CYTH3: variants seen among roughly 807,000 people sequenced by gnomAD.
CYTH3 encodes the protein cytohesin-3.
CYTH3 carries 23 observed loss-of-function variants against 55.1 expected under a neutral mutation model. That is an observed-to-expected ratio of 0.42 (90% CI 0.30 to 0.59). The LOEUF (loss-of-function observed/expected upper bound fraction) is 0.59, where lower values mean the gene tolerates loss of function less well. Ranked by LOEUF, CYTH3 falls within the 20% of genes least tolerant of loss-of-function variation. The pLI is 0.20. For synonymous variants in CYTH3, 249 were observed against 194.9 expected (o/e 1.28, Z -2.31); for missense variants, 413 against 524.8 (o/e 0.79, Z 2.08).
chr7:6,210,956 A>C (rs948415741), intron 1 of CYTH3, among the ~76,000 whole-genome samples: 10 of 152,218 alleles, frequency 6.6e-5, no homozygotes, highest in African/African-American at 2.4e-4. Context: ...AAATGGAGAA[A>C]TCGATATTCC....
At chr7:6,221,527 G>A (rs952540405) in intron 1 of CYTH3, among the ~76,000 whole-genome samples, 2 of 152,126 alleles carry the variant, frequency 1.3e-5, no homozygotes, top group Admixed American at 6.5e-5. Context: ...ACGCATGGGT[G>A]ATGACACAAA....
At chr7:6,242,211 G>A (rs970823750) in intron 1 of CYTH3, among the ~76,000 whole-genome samples, 1 of 151,530 alleles carries the variant, frequency 6.6e-6, no homozygotes. Context: ...CGAGTAGCTG[G>A]GACTACAGGC....
intron 1 of CYTH3, among the ~76,000 whole-genome samples, chr7:6,244,673 C>G (rs1415341612): frequency 6.6e-6 from 1 of 151,954 alleles, no homozygotes; most frequent in Admixed American, 6.6e-5. Flanking sequence ...ATTTCCTAGG[C>G]TAAATTATTG....
At position 6,174,539 on chromosome 7, in the gene CYTH3, G is replaced by GTTTTT. The variant is rs760279977; in HGVS notation, c.369-811_369-807dup. ...GGTGTGAAATGGTATCTCCTTGTGG[G>GTTTTT]TTTTTTTTTTTTTTTTTTTTTTTTT... On this transcript the variant is annotated intron_variant, in intron 5 of 12. Transcript: ENST00000350796. 1.9e-4 allele frequency among the ~76,000 whole-genome samples: 17 copies of GTTTTT among 89,804 alleles called. 1 individual carries two copies. Among genetic ancestry groups the GTTTTT allele is most frequent in the African/African-American group, 3.1e-4 (6 of 19,170 alleles). 58.9% of individuals were successfully genotyped at this position (89,804 alleles called of 152,430 possible).
intron 1 of CYTH3, among the ~76,000 whole-genome samples, chr7:6,198,016 C>A (rs1241849297): frequency 6.6e-6 from 1 of 151,456 alleles, no homozygotes; most frequent in African/African-American, 2.4e-5. Context: ...ATCGCTTGAG[C>A]CCTTGAGTTT....
Position 6,162,828 on chromosome 7 carries a change from T to C in CYTH3, c.*2116A>G, listed in dbSNP as rs1782876603. ...AAGCTCTGCATCCCCAGGTCACACC[T>C]GGGTTGGTCAGAAGAAGGAAACAGC... On this transcript the variant is annotated 3_prime_UTR_variant, in exon 13 of 13. Coordinates refer to ENST00000350796, the MANE Select transcript of CYTH3 (RefSeq NM_004227.4). 1 of 152,530 alleles carries C rather than the reference T, an allele frequency of 6.6e-6. No individual in the cohort carries two copies. The highest frequency in any genetic ancestry group is 2.4e-5 in the African/African-American group (1 of 41,414). 9.4% of individuals were successfully genotyped at this position (152,530 alleles called of 1,614,324 possible).
chr7:6,263,093 T>C (rs1403676032), intron 1 of CYTH3, among the ~76,000 whole-genome samples: 1 of 152,182 alleles, frequency 6.6e-6, no homozygotes, highest in African/African-American at 2.4e-5. Context: ...AAGCTGACAG[T>C]ATGTCCATCT....
chr7:6,165,209 C>T (rs1488225083), intron 12 of CYTH3, 64 bp downstream of exon 12: 3 of 1,572,054 alleles, frequency 1.9e-6, no homozygotes, highest in African/African-American at 1.4e-5. Flanking sequence ...TGTTCCAGAC[C>T]ATCCCCCGCC....
intron 1 of CYTH3, among the ~76,000 whole-genome samples, chr7:6,196,613 C>T (rs1783939240): frequency 6.6e-6 from 1 of 152,060 alleles, no homozygotes; most frequent in Non-Finnish European, 1.5e-5. Flanking sequence ...GCACGCACCA[C>T]CATGCCCAGC....
intron 1 of CYTH3, among the ~76,000 whole-genome samples, chr7:6,255,917 C>G (rs1411376825): frequency 6.6e-6 from 1 of 151,944 alleles, no homozygotes; most frequent in African/African-American, 2.4e-5. Flanking sequence ...GTGCCCGCCA[C>G]TACGCCCAGC....
At position 6,165,289 on chromosome 7, in the gene CYTH3, ACTCCTCCTT is replaced by A; in HGVS notation, c.1102_1110del (p.Lys368_Glu370del). ...CCCACTCACTTGATGGATTTCATCC[ACTCCTCCTT>A]CTCCTCCGGGCTCGGGGCTGAGATC... On this transcript the variant is annotated inframe_deletion, in exon 12 of 13. Coordinates refer to ENST00000350796, the MANE Select transcript of CYTH3 (RefSeq NM_004227.4). 6.2e-7 allele frequency: 1 copy of A among 1,611,832 alleles called. No individual in the cohort carries two copies. The highest frequency in any genetic ancestry group is 8.5e-7 in the Non-Finnish European group (1 of 1,179,200).
chr7:6,209,512 C>T (rs1250117467), intron 1 of CYTH3, among the ~76,000 whole-genome samples: 1 of 152,166 alleles, frequency 6.6e-6, no homozygotes, highest in Non-Finnish European at 1.5e-5. Flanking sequence ...TTCACAAATG[C>T]ACGTGACTAA....
intron 1 of CYTH3, among the ~76,000 whole-genome samples, chr7:6,249,615 C>A (rs1249870472): frequency 3.3e-5 from 5 of 152,256 alleles, no homozygotes; most frequent in Admixed American, 6.5e-5. Flanking sequence ...CTAAACCCTC[C>A]TTCTGTTTTA....
At chr7:6,267,792 G>C (rs1780539575) in intron 1 of CYTH3, among the ~76,000 whole-genome samples, 1 of 152,142 alleles carries the variant, frequency 6.6e-6, no homozygotes, top group Admixed American at 6.5e-5. Flanking sequence ...AAAGTGCTGG[G>C]ATTACAGGCG....
At chr7:6,259,809 AT>A (rs58613462) in intron 1 of CYTH3, among the ~76,000 whole-genome samples, 2 of 26,276 alleles carry the variant, frequency 7.6e-5, no homozygotes, top group Non-Finnish European at 1.1e-4. Context: ...ATATATATAT[AT>A]ATAATATATA....
At position 6,163,846 on chromosome 7, in the gene CYTH3, G is replaced by A. The variant is rs761881015; in HGVS notation, c.*1098C>T. 2.0e-5 allele frequency: 3 copies of A among 152,126 alleles called. No homozygotes were observed. Among genetic ancestry groups the A allele is most frequent in the Non-Finnish European group, 4.4e-5 (3 of 68,034 alleles). 9.4% of individuals were successfully genotyped at this position (152,126 alleles called of 1,614,324 possible). On this transcript the variant is annotated 3_prime_UTR_variant, in exon 13 of 13. Transcript: ENST00000350796. ...AAATTAGAAAGTCTGTAAAATAAGC[G>A]TTCATTTTGCCACAGGTTTTAAATA...
chr7:6,171,049 C>T lies in CYTH3; in HGVS notation c.563-71G>A. 1 of 1,598,986 alleles carries T rather than the reference C, an allele frequency of 6.3e-7. No individual in the cohort carries two copies. On this transcript the variant is annotated intron_variant, in intron 7 of 12. Transcript: ENST00000350796. This position sits in a 1 kb window ranked among gnomAD's most constrained non-coding sequence, Gnocchi z 6.7. The stretch of plus-strand genomic sequence containing the variant: ...ACAGTGGGACCCCGCGTGCTGGGGG[C>T]CCGCCTGCAAGAGGTGCCCGGCCCA...
intron 1 of CYTH3, among the ~76,000 whole-genome samples, chr7:6,204,876 G>A (rs1028730634): frequency 1.3e-5 from 2 of 152,166 alleles, no homozygotes; most frequent in African/African-American, 4.8e-5. Context: ...GCAAAACAGT[G>A]ACTAGAGGAT....
chr7:6,240,854 G>A (rs184464306), intron 1 of CYTH3, among the ~76,000 whole-genome samples: 173 of 152,136 alleles, frequency 1.1e-3, no homozygotes, highest in Non-Finnish European at 1.8e-3. Flanking sequence ...AGTAGCTCGC[G>A]CCTGTAATCC....
Sources: gnomAD v4.1 joint callset for allele counts (sites outside exome capture counted in the v4.1 genomes callset) on GRCh38, gnomAD v4.1.1 for gene constraint, Gnocchi (gnomAD v3.1) non-coding constraint, MANE v1.5 for transcripts, NCBI Gene and HGNC (gene_info 2026-07-23, HGNC 2026-07-21) for gene names.